The following ANKRD42 variants were observed in gnomAD, a reference collection of about 807,000 sequenced individuals.
ANKRD42 encodes the protein ankyrin repeat domain-containing protein 42.
ANKRD42 carries 43 observed loss-of-function variants against 51.5 expected under a neutral mutation model. The observed-to-expected ratio is 0.83, with a 90% confidence interval of 0.65 to 1.08. The LOEUF is 1.08. Among genes scored for constraint, ANKRD42 ranks in the 50% least tolerant of loss-of-function variants. The pLI, the probability that ANKRD42 is intolerant of heterozygous loss-of-function variation, is 0.00. For synonymous variants in ANKRD42, 203 were observed against 213.0 expected (o/e 0.95, Z 0.41); for missense variants, 608 against 629.3 (o/e 0.97, Z 0.36).
chr11:83,206,937 T>C (rs1862099691), intron 3 of ANKRD42, among the ~76,000 whole-genome samples: 1 of 152,120 alleles, frequency 6.6e-6, no homozygotes, highest in African/African-American at 2.4e-5. Flanking sequence ...GAGTACAGAG[T>C]CATATAAGCA....
Position 83,226,754 on chromosome 11 carries a change from C to G in ANKRD42, c.788-993C>G, listed in dbSNP as rs546576517. 3.0e-4 allele frequency among the ~76,000 whole-genome samples: 45 copies of G among 152,188 alleles called. No homozygotes were observed. In the South Asian group the frequency reaches 8.5e-3, roughly 29 times the overall value. Reference sequence around the variant, plus strand: ...GCTTGAGCCCAGGAGTTCAAAGTTACAGTGAGCTGTGACCACACCTCAGTG... The same window carrying G: ...GCTTGAGCCCAGGAGTTCAAAGTTAGAGTGAGCTGTGACCACACCTCAGTG... On this transcript the variant is annotated intron_variant, in intron 6 of 10. Transcript: ENST00000533342.
chr11:83,206,020 A>G, intron 2 of ANKRD42, 38 bp from the exon 3 acceptor site: 1 of 1,535,788 alleles, frequency 6.5e-7, no homozygotes, highest in South Asian at 1.1e-5. Flanking sequence ...TGTTAAAAAC[A>G]TCCACTTTAT....
At chr11:83,196,004 C>A (rs549156687) in intron 1 of ANKRD42, among the ~76,000 whole-genome samples, 14 of 152,246 alleles carry the variant, frequency 9.2e-5, no homozygotes, top group East Asian at 3.9e-4. Context: ...CACCACCACA[C>A]CCGGCTAATT....
At chr11:83,243,883 C>T (rs7937416) in intron 9 of ANKRD42, among the ~76,000 whole-genome samples, 8,232 of 149,788 alleles carry the variant, frequency 0.055, 751 homozygotes, top group African/African-American at 0.19. Context: ...CCAGGATGGT[C>T]TCTATCTCCT....
intron 7 of ANKRD42, among the ~76,000 whole-genome samples, chr11:83,234,394 T>C (rs1485466759): frequency 6.6e-6 from 1 of 152,218 alleles, no homozygotes; most frequent in Non-Finnish European, 1.5e-5. Flanking sequence ...GAACTATGAC[T>C]TCTCCTTTTT....
At chr11:83,218,467 T>G (rs1041865398) in intron 5 of ANKRD42, among the ~76,000 whole-genome samples, 2 of 152,234 alleles carry the variant, frequency 1.3e-5, no homozygotes, top group African/African-American at 4.8e-5. Flanking sequence ...CAACATGATG[T>G]CCTTCCATGC....
At chr11:83,261,728 T>TCA (rs552418186), downstream of ANKRD42, 1,795 of 461,256 alleles carry the variant, frequency 3.9e-3, 4 homozygotes, top group Non-Finnish European at 6.0e-3. Flanking sequence ...ACACCTGCAC[T>TCA]CACACACACA....
chr11:83,206,255 ATTTAGT>A lies in ANKRD42; in HGVS notation c.330+95_330+100del, dbSNP rs1361900214. Reference sequence around the variant, plus strand: ...TTATTCTAATTATTTGACTCAATAGATTTAGTTTTATGTTCTAAACAAGAACTTACT... The same window carrying A: ...TTATTCTAATTATTTGACTCAATAGATTTATGTTCTAAACAAGAACTTACT... On this transcript the variant is annotated intron_variant, in intron 3 of 10. Transcript: ENST00000533342. 33 of 1,073,360 alleles carry A rather than the reference ATTTAGT, an allele frequency of 3.1e-5. No individual in the cohort carries two copies. In the East Asian group the frequency reaches 5.7e-4, roughly 18 times the overall value. 66.5% of individuals were successfully genotyped at this position (1,073,360 alleles called of 1,614,324 possible).
Position 83,194,239 on chromosome 11 carries a change from G to T in ANKRD42, c.-432G>T, listed in dbSNP as rs1304659672. Reference sequence around the variant, plus strand: ...AGAAGACCGAGGCCTCCGCCTCAGTGGTCCTTGGGAGGGAGTCAGTGACAT... The same window carrying T: ...AGAAGACCGAGGCCTCCGCCTCAGTTGTCCTTGGGAGGGAGTCAGTGACAT... On this transcript the variant is annotated 5_prime_UTR_variant, in exon 1 of 11. Transcript: ENST00000533342. 8.6e-6 allele frequency: 4 copies of T among 463,796 alleles called. No homozygotes were observed. Among genetic ancestry groups the T allele is most frequent in the South Asian group, 6.2e-5 (4 of 64,614 alleles). 28.7% of individuals were successfully genotyped at this position (463,796 alleles called of 1,614,324 possible).
At chr11:83,198,301 T>C (rs1012495342) in intron 1 of ANKRD42, among the ~76,000 whole-genome samples, 178 bp from the exon 2 acceptor site, 2 of 152,258 alleles carry the variant, frequency 1.3e-5, no homozygotes, top group African/African-American at 2.4e-5. Context: ...ACTTCCATGC[T>C]TTTTACATGT....
intron 5 of ANKRD42, among the ~76,000 whole-genome samples, chr11:83,217,007 A>G (rs536822935): frequency 4.2e-5 from 6 of 143,890 alleles, no homozygotes; most frequent in African/African-American, 1.5e-4. Context: ...TCGGAGACCA[A>G]CAGGTCAATC....
chr11:83,255,858 C>T (rs1018619803), exon 12 of ANKRD42: 2 of 1,530,668 alleles, frequency 1.3e-6, no homozygotes, highest in African/African-American at 2.8e-5. Context: ...GACAGCGCTT[C>T]TTGTGAGTCA....
chr11:83,209,435 G>A (rs756114128), intron 3 of ANKRD42: 381 of 1,591,188 alleles, frequency 2.4e-4, no homozygotes, highest in Non-Finnish European at 2.7e-4. Flanking sequence ...AGACAAATAC[G>A]ACGACGAGGA....
At chr11:83,243,778 C>T (rs1053848151) in intron 9 of ANKRD42, among the ~76,000 whole-genome samples, 1 of 151,924 alleles carries the variant, frequency 6.6e-6, no homozygotes, top group East Asian at 1.9e-4. Flanking sequence ...TCTCCTCCCT[C>T]AGCCTCCTGA....
At chr11:83,232,069 CT>C (rs1216319784) in intron 7 of ANKRD42, among the ~76,000 whole-genome samples, 1 of 146,858 alleles carries the variant, frequency 6.8e-6, no homozygotes, top group Non-Finnish European at 1.5e-5. Context: ...TTTGGCTACT[CT>C]GGGTCTTTTG....
rs11403803 is a variant in ANKRD42, at chr11:83,228,231, CTTTT to C, written c.913+394_913+397del. On this transcript the variant is annotated intron_variant, in intron 7 of 10. Transcript: ENST00000533342. ...AAATAGAAATCATCCCTCTCTCTCTCTTTTTTTTTTTTTTTTTTTTTTTTTTTTT... is the reference window on the plus strand; with the variant it reads ...AAATAGAAATCATCCCTCTCTCTCTCTTTTTTTTTTTTTTTTTTTTTTTTT... 2.6e-3 allele frequency among the ~76,000 whole-genome samples: 155 copies of C among 59,006 alleles called. 26 individuals carry two copies. The highest frequency in any genetic ancestry group is 6.8e-3 in the African/African-American group (110 of 16,084). 38.7% of individuals were successfully genotyped at this position (59,006 alleles called of 152,430 possible).
intron 11 of ANKRD42, among the ~76,000 whole-genome samples, chr11:83,254,383 G>T (rs1382113839): frequency 6.7e-6 from 1 of 150,356 alleles, no homozygotes; most frequent in African/African-American, 2.4e-5. Flanking sequence ...GTTCCATCTA[G>T]TTGGATTAGG....
chr11:83,196,859 G>A (rs1371150250), intron 1 of ANKRD42, among the ~76,000 whole-genome samples: 1 of 152,202 alleles, frequency 6.6e-6, no homozygotes, highest in African/African-American at 2.4e-5. Context: ...CATACTGAGA[G>A]TTTGGGTTTT....
chr11:83,255,632 T>C (rs71465536), intron 11 of ANKRD42, among the ~76,000 whole-genome samples: 1 of 152,232 alleles, frequency 6.6e-6, no homozygotes, highest in Admixed American at 6.5e-5. Context: ...CTCTAGTTCT[T>C]AAGGTGCCTC....
Sources: allele counts gnomAD v4.1 joint callset (sites outside exome capture counted in the v4.1 genomes callset), GRCh38; gene constraint gnomAD v4.1.1; transcripts MANE v1.5; gene names NCBI Gene and HGNC (gene_info 2026-07-23, HGNC 2026-07-21).